OLFM3: variants seen among roughly 807,000 people sequenced by gnomAD.
OLFM3 encodes the protein olfactomedin 3, also known as noelin-3.
A neutral mutation model predicts 48.6 loss-of-function variants in OLFM3; 20 were observed. The observed-to-expected ratio is 0.41, with a 90% CI of 0.29 to 0.60. The LOEUF is 0.60. Among genes scored for constraint, OLFM3 ranks in the 20% least tolerant of loss-of-function variants. The probability of loss-of-function intolerance (pLI) is 0.28; values close to 1 mark genes in which losing one functional copy is unlikely to be tolerated. For synonymous variants in OLFM3, 222 were observed against 198.1 expected (o/e 1.12, Z -1.01); for missense variants, 437 against 544.3 (o/e 0.80, Z 1.96).
intron 1 of OLFM3, among the ~76,000 whole-genome samples, chr1:101,843,414 A>G (rs1244865061): frequency 6.6e-6 from 1 of 152,194 alleles, no homozygotes; most frequent in Non-Finnish European, 1.5e-5. Context: ...GTTACTCTGC[A>G]TTCAAGAGAC....
chr1:101,823,854 C>T lies in OLFM3; in HGVS notation c.592+1172G>A, dbSNP rs544049495. On this transcript the variant is annotated intron_variant, in intron 4 of 5. Coordinates refer to ENST00000370103, the MANE Select transcript of OLFM3 (RefSeq NM_058170.4). ...TTCGGCCTTCAGGTTTACCTTATTT[C>T]CTCCTGATTCATTTTGTTGGATTCT... Among the ~76,000 whole-genome samples the T allele has an allele frequency of 3.9e-5, 6 of 152,016 alleles. No individual in the cohort carries two copies. In the South Asian group the frequency reaches 1.3e-3, roughly 32 times the overall value.
rs1472116284 is a variant in OLFM3 at position 101,837,037 on chromosome 1, A to G, written c.70-12T>C. On this transcript the variant is annotated splice_polypyrimidine_tract_variant and intron_variant, in intron 1 of 5. Coordinates refer to ENST00000370103, the MANE Select transcript of OLFM3 (RefSeq NM_058170.4). ...GGACTAATCTGAGTCTGAGGAAACCAAAGGGAAACATAAAACACAGACTCC... is the reference window on the plus strand; with the variant it reads ...GGACTAATCTGAGTCTGAGGAAACCGAAGGGAAACATAAAACACAGACTCC... 5.0e-6 allele frequency: 8 copies of G among 1,605,408 alleles called. No homozygotes were observed. Among genetic ancestry groups the G allele is most frequent in the Non-Finnish European group, 6.8e-6 (8 of 1,175,428 alleles).
intron 1 of OLFM3, among the ~76,000 whole-genome samples, chr1:101,880,981 T>C (rs1250646332): frequency 6.6e-6 from 1 of 151,914 alleles, no homozygotes. Flanking sequence ...CGATTAAAAA[T>C]GTTAAGCTAT....
At chr1:101,906,642 C>G in intron 1 of OLFM3, among the ~76,000 whole-genome samples, 1 of 152,058 alleles carries the variant, frequency 6.6e-6, no homozygotes, top group East Asian at 1.9e-4. Flanking sequence ...TTCCAGTGCC[C>G]ACAAATGTAG....
At chr1:101,896,135 A>G (rs547547752) in intron 1 of OLFM3, among the ~76,000 whole-genome samples, 2 of 152,268 alleles carry the variant, frequency 1.3e-5, no homozygotes, top group East Asian at 3.9e-4. Context: ...TAAAAATGCC[A>G]GAAAGTTCCA....
At chr1:101,851,485 A>T (rs1397616756) in intron 1 of OLFM3, among the ~76,000 whole-genome samples, 1 of 152,146 alleles carries the variant, frequency 6.6e-6, no homozygotes, top group Non-Finnish European at 1.5e-5. Context: ...GAGAAGGTGG[A>T]AAGTTTTGCA....
At chr1:101,914,622 G>A (rs1658864663) in intron 1 of OLFM3, among the ~76,000 whole-genome samples, 1 of 152,176 alleles carries the variant, frequency 6.6e-6, no homozygotes, top group Non-Finnish European at 1.5e-5. Flanking sequence ...TTCTAATAGT[G>A]CTATAATGCT....
At chr1:101,972,699 C>T (rs1660839299) in intron 1 of OLFM3, among the ~76,000 whole-genome samples, 1 of 152,142 alleles carries the variant, frequency 6.6e-6, no homozygotes, top group African/African-American at 2.4e-5. Context: ...AGATTCACAA[C>T]TATAAGAAAC....
At chr1:101,930,743 T>C (rs573783194) in intron 1 of OLFM3, among the ~76,000 whole-genome samples, 1 of 152,220 alleles carries the variant, frequency 6.6e-6, no homozygotes, top group Non-Finnish European at 1.5e-5. Context: ...GGAGCTGCCG[T>C]TATGATCTTT....
At chr1:101,928,583 G>A (rs558644377) in intron 1 of OLFM3, among the ~76,000 whole-genome samples, 2 of 152,140 alleles carry the variant, frequency 1.3e-5, no homozygotes, top group South Asian at 4.2e-4. Context: ...TTAAGTCTTA[G>A]AATTTCACTC....
At chr1:101,978,149 T>C (rs1188317916) in intron 1 of OLFM3, among the ~76,000 whole-genome samples, 4 of 152,138 alleles carry the variant, frequency 2.6e-5, no homozygotes, top group Admixed American at 6.5e-5. Context: ...GTTTATGTAG[T>C]CCCTTGAGGG....
chr1:101,883,330 ATACTC>A (rs1657610392), intron 1 of OLFM3, among the ~76,000 whole-genome samples: 1 of 150,376 alleles, frequency 6.6e-6, no homozygotes, highest in African/African-American at 2.4e-5. Flanking sequence ...TACAATTTAT[ATACTC>A]TATATATACA....
In OLFM3 at chr1:101,943,627, A is replaced by T. The variant is rs925268028; in HGVS notation, c.69+53121T>A. ...AACTAGTCTAGATCAGAATGTTGCT[A>T]TTCTAGATGTACTGTTATCTATTAT... On this transcript the variant is annotated intron_variant, in intron 1 of 5. Coordinates refer to ENST00000370103, the MANE Select transcript of OLFM3 (RefSeq NM_058170.4). Among the ~76,000 whole-genome samples, 4 of 152,352 alleles carry T rather than the reference A, an allele frequency of 2.6e-5. No individual in the cohort carries two copies. The East Asian group carries it at 7.7e-4, about 29-fold the overall frequency.
chr1:101,876,330 G>T (rs997930456), intron 1 of OLFM3, among the ~76,000 whole-genome samples: 3 of 151,940 alleles, frequency 2.0e-5, no homozygotes, highest in African/African-American at 7.2e-5. Flanking sequence ...GGCTTCTTAA[G>T]CTCCCTCCTC....
chr1:101,818,319 T>C (rs901723806), intron 4 of OLFM3, among the ~76,000 whole-genome samples: 3 of 152,066 alleles, frequency 2.0e-5, no homozygotes, highest in Admixed American at 2.0e-4. Context: ...AGAGGAGGAT[T>C]AATGATAAAT....
chr1:101,942,628 C>G (rs1659830015), intron 1 of OLFM3, among the ~76,000 whole-genome samples: 1 of 152,008 alleles, frequency 6.6e-6, no homozygotes, highest in Non-Finnish European at 1.5e-5. Context: ...AAGGTTTTTT[C>G]AATTACTACT....
Position 101,806,094 on chromosome 1 carries a change from T to C in OLFM3, c.681A>G (p.Ala227=), listed in dbSNP as rs1653758775. The C allele has an allele frequency of 6.2e-7, 1 of 1,611,692 alleles. No homozygotes were observed. Among genetic ancestry groups the C allele is most frequent in the Non-Finnish European group, 8.5e-7 (1 of 1,178,394 alleles). Reference sequence around the variant, plus strand: ...AACATACTCTGTTGTTTTTCTCAGATGCTAAAGGGTCTGTCATCCAAGCAC... The same window carrying C: ...AACATACTCTGTTGTTTTTCTCAGACGCTAAAGGGTCTGTCATCCAAGCAC... ...RFGAWMTDPL[A]SEKNNRVWYM... Residue 227 remains alanine (A), a synonymous_variant, in exon 5 of 6, where the codon GCA becomes GCG. Transcript: ENST00000370103.
At chr1:101,930,949 C>T (rs951064595) in intron 1 of OLFM3, among the ~76,000 whole-genome samples, 2 of 152,138 alleles carry the variant, frequency 1.3e-5, no homozygotes, top group Non-Finnish European at 2.9e-5. Context: ...AATGTGCATA[C>T]CTCAATATCT....
At chr1:101,824,257 A>G (rs1296253727) in intron 4 of OLFM3, among the ~76,000 whole-genome samples, 1 of 152,108 alleles carries the variant, frequency 6.6e-6, no homozygotes, top group African/African-American at 2.4e-5. Flanking sequence ...CTGATCCTAA[A>G]TTAACTTGTA....
Sources: gnomAD v4.1 joint callset for allele counts (sites outside exome capture counted in the v4.1 genomes callset) on GRCh38, gnomAD v4.1.1 for gene constraint, MANE v1.5 for transcripts, NCBI Gene and HGNC (gene_info 2026-07-23, HGNC 2026-07-21) for gene names.